Variants in TRPM3 observed in about 807,000 individuals in gnomAD.
The protein encoded by TRPM3 is transient receptor potential cation channel subfamily M member 3.
TRPM3 carries 77 observed loss-of-function variants against 181.2 expected under a neutral mutation model. That is an observed-to-expected ratio of 0.42 (90% CI 0.35 to 0.51). The LOEUF (loss-of-function observed/expected upper bound fraction) is 0.51. Among genes scored for constraint, TRPM3 ranks in the 20% least tolerant of loss-of-function variants. The pLI is 0.01. For missense variants in TRPM3, 1,759 were observed against 2,196.7 expected, an observed-to-expected ratio of 0.80 and a Z score of 3.98; for synonymous variants, 745 against 796.4, an observed-to-expected ratio of 0.94 and a Z score of 1.09.
intron 1 of TRPM3, among the ~76,000 whole-genome samples, chr9:71,261,505 G>A (rs2083052358): frequency 1.3e-5 from 2 of 152,130 alleles, no homozygotes; most frequent in South Asian, 2.1e-4. Flanking sequence ...GCCTACTTCC[G>A]TCAATTCGTC....
At chr9:70,634,049 A>C (rs1199405631) in intron 12 of TRPM3, among the ~76,000 whole-genome samples, 1 of 152,216 alleles carries the variant, frequency 6.6e-6, no homozygotes, top group Middle Eastern at 3.2e-3. Flanking sequence ...GCTAAGATTA[A>C]ACAGAATCTC....
chr9:71,324,367 T>C (rs1398072092), intron 1 of TRPM3, among the ~76,000 whole-genome samples: 2 of 152,230 alleles, frequency 1.3e-5, no homozygotes, highest in African/African-American at 4.8e-5. Flanking sequence ...TATGAAAAGA[T>C]ACTCAACACC....
At chr9:70,646,257 A>G (rs551527070) in intron 9 of TRPM3, among the ~76,000 whole-genome samples, 1 of 152,352 alleles carries the variant, frequency 6.6e-6, no homozygotes, top group East Asian at 1.9e-4. Context: ...TCATTCTATG[A>G]AGACACATGC....
rs777209506 is a variant in TRPM3, at chr9:71,121,284, C to T, written c.71G>A (p.Trp24Ter). The T allele has an allele frequency of 7.3e-5, 118 of 1,613,980 alleles. No individual in the cohort carries two copies. In the Admixed American group the frequency reaches 9.2e-4, roughly 13 times the overall value. Residue 24 changes from tryptophan (W) to a stop codon, truncating the protein, a stop_gained, in exon 1 of 26, where the codon TGG becomes TAG. Coordinates refer to ENST00000677713, the MANE Select transcript of TRPM3 (RefSeq NM_001366145.2). LOFTEE classifies it high-confidence loss of function. ...AQVFSFLFSW[W>*]NLEGVMNQAD... ...CTGATTCATGACCCCTTCCAAATTC[C>T]ACCAGGAAAACAAGAAACTGAAAAC...
intron 1 of TRPM3, among the ~76,000 whole-genome samples, chr9:71,370,716 A>ATACAATAAT (rs1287756154): frequency 1.3e-5 from 2 of 152,362 alleles, no homozygotes; most frequent in East Asian, 3.9e-4. Flanking sequence ...AGAGATCTAG[A>ATACAATAAT]TACAATAATT....
chr9:70,778,996 T>A lies in TRPM3; in HGVS notation c.1148+5109A>T, dbSNP rs201659838. On this transcript the variant is annotated intron_variant, in intron 7 of 25. Transcript: ENST00000677713. ...CCACATCTCTACTAGGAATATATAGTTACATAATTTGAAGCCATACAACAT... is the reference window on the plus strand; with the variant it reads ...CCACATCTCTACTAGGAATATATAGATACATAATTTGAAGCCATACAACAT... 2.6e-5 allele frequency among the ~76,000 whole-genome samples: 4 copies of A among 152,266 alleles called. No homozygotes were observed. In the East Asian group the frequency reaches 5.8e-4, roughly 22 times the overall value.
At chr9:70,678,839 A>T (rs1438986959) in intron 9 of TRPM3, among the ~76,000 whole-genome samples, 1 of 152,270 alleles carries the variant, frequency 6.6e-6, no homozygotes, top group Non-Finnish European at 1.5e-5. Flanking sequence ...GTTTGAAACC[A>T]ATATAAGTAG....
intron 1 of TRPM3, among the ~76,000 whole-genome samples, chr9:70,983,563 G>C (rs979690563): frequency 7.9e-5 from 12 of 152,160 alleles, no homozygotes; most frequent in African/African-American, 2.9e-4. Flanking sequence ...TAGAGCAAGG[G>C]AGTCAGCCAC....
intron 1 of TRPM3, among the ~76,000 whole-genome samples, chr9:71,019,541 C>T (rs1228297758): frequency 1.3e-5 from 2 of 151,548 alleles, no homozygotes; most frequent in African/African-American, 4.9e-5. Context: ...ATGGAAGTAC[C>T]CAGAAAAATA....
intron 3 of TRPM3, among the ~76,000 whole-genome samples, chr9:70,857,774 C>A (rs1020686398): frequency 2.0e-5 from 3 of 152,132 alleles, no homozygotes; most frequent in African/African-American, 7.2e-5. Context: ...AGTAGAATAA[C>A]CTGAGTAATT....
intron 1 of TRPM3, among the ~76,000 whole-genome samples, chr9:71,029,972 T>C (rs2057083051): frequency 1.3e-5 from 2 of 152,174 alleles, no homozygotes; most frequent in Non-Finnish European, 1.5e-5. Flanking sequence ...TCCAAGTACG[T>C]GAAATCACAT....
At chr9:70,757,610 C>CCAG (rs1414374850) in intron 8 of TRPM3, among the ~76,000 whole-genome samples, 1 of 152,184 alleles carries the variant, frequency 6.6e-6, no homozygotes, top group African/African-American at 2.4e-5. Context: ...CAAATCAAAT[C>CCAG]CAGCAGCACA....
chr9:70,796,496 G>A (rs17553998), intron 6 of TRPM3, among the ~76,000 whole-genome samples: 5,426 of 152,166 alleles, frequency 0.036, 154 homozygotes, highest in Middle Eastern at 0.065. Context: ...TTGTCTCTGC[G>A]AGGAACATAT....
At chr9:70,743,545 G>A (rs1017517971) in intron 8 of TRPM3, among the ~76,000 whole-genome samples, 1 of 152,076 alleles carries the variant, frequency 6.6e-6, no homozygotes, top group Non-Finnish European at 1.5e-5. Context: ...AGGGTAATGT[G>A]GGTTTCCGAT....
chr9:71,005,962 T>C (rs1338243971), intron 1 of TRPM3, among the ~76,000 whole-genome samples: 1 of 152,180 alleles, frequency 6.6e-6, no homozygotes, highest in East Asian at 1.9e-4. Context: ...CAATAATAAG[T>C]ACACCAATTG....
intron 1 of TRPM3, among the ~76,000 whole-genome samples, chr9:70,871,779 A>G (rs2095794209): frequency 6.6e-6 from 1 of 152,030 alleles, no homozygotes; most frequent in African/African-American, 2.4e-5. Flanking sequence ...TAATTTGAAT[A>G]CTAACAAGAG....
intron 1 of TRPM3, among the ~76,000 whole-genome samples, chr9:70,990,347 T>C (rs1406979743): frequency 6.6e-6 from 1 of 152,170 alleles, no homozygotes; most frequent in Non-Finnish European, 1.5e-5. Flanking sequence ...ACCACTGTTA[T>C]TGGCAGTAAA....
intron 9 of TRPM3, among the ~76,000 whole-genome samples, chr9:70,670,608 C>T (rs1378491969): frequency 1.3e-5 from 2 of 152,034 alleles, no homozygotes; most frequent in Admixed American, 6.6e-5. Context: ...AGGTTTTCTG[C>T]TGTTTTTGTT....
intron 1 of TRPM3, among the ~76,000 whole-genome samples, chr9:70,937,398 T>G (rs958712886): frequency 3.3e-5 from 5 of 152,174 alleles, no homozygotes; most frequent in Non-Finnish European, 7.3e-5. Context: ...TCTTTTCAAG[T>G]TCTGAACTGT....
Sources: allele counts gnomAD v4.1 joint callset (sites outside exome capture counted in the v4.1 genomes callset), GRCh38; gene constraint gnomAD v4.1.1; transcripts MANE v1.5; gene names NCBI Gene and HGNC (gene_info 2026-07-23, HGNC 2026-07-21).